TMTC2: variants seen among roughly 807,000 people sequenced by gnomAD.
TMTC2 encodes the protein transmembrane O-mannosyltransferase targeting cadherins 2.
TMTC2 carries 43 observed loss-of-function variants against 82.4 expected under a neutral mutation model. The ratio of observed to expected loss-of-function variants is 0.52; its 90% CI spans 0.41 to 0.67. The LOEUF (loss-of-function observed/expected upper bound fraction) is 0.67. TMTC2 is among the 30% of genes least tolerant of loss of function. The pLI is 0.00. For missense variants in TMTC2, 919 were observed against 1,012.4 expected (o/e 0.91, Z 1.25); for synonymous variants, 408 against 381.9 (o/e 1.07, Z -0.80).
At chr12:82,864,210 G>A (rs1283070141) in intron 2 of TMTC2, among the ~76,000 whole-genome samples, 2 of 152,152 alleles carry the variant, frequency 1.3e-5, no homozygotes, top group African/African-American at 4.8e-5. Flanking sequence ...CACCTGGTAT[G>A]TATAGTGATA....
At chr12:82,826,406 T>C (rs562142253) in intron 1 of TMTC2, among the ~76,000 whole-genome samples, 41 of 152,214 alleles carry the variant, frequency 2.7e-4, no homozygotes, top group Non-Finnish European at 5.3e-4. Flanking sequence ...ATTTTTAACT[T>C]TATGCTACTT....
intron 1 of TMTC2, among the ~76,000 whole-genome samples, chr12:82,736,059 C>A (rs1875110647): frequency 6.6e-6 from 1 of 151,988 alleles, no homozygotes; most frequent in Admixed American, 6.6e-5. Context: ...CCTCCCTCGC[C>A]TTATCCTACT....
chr12:83,037,780 TG>T (rs1315773722), intron 9 of TMTC2, among the ~76,000 whole-genome samples: 2 of 152,006 alleles, frequency 1.3e-5, no homozygotes, highest in Non-Finnish European at 2.9e-5. Context: ...GAACAGGAAA[TG>T]GTTTTAGCTT....
At chr12:82,959,545 A>G (rs1877801510) in intron 4 of TMTC2, among the ~76,000 whole-genome samples, 1 of 152,164 alleles carries the variant, frequency 6.6e-6, no homozygotes, top group South Asian at 2.1e-4. Flanking sequence ...CTGACCTTCG[A>G]CAAATTTGAC....
chr12:82,804,576 T>C (rs749788972), intron 1 of TMTC2, among the ~76,000 whole-genome samples: 4 of 152,126 alleles, frequency 2.6e-5, no homozygotes, highest in Admixed American at 1.3e-4. Flanking sequence ...TTAATTGCTC[T>C]TTTGAAGCAC....
intron 2 of TMTC2, among the ~76,000 whole-genome samples, chr12:82,869,867 T>TA (rs922146850): frequency 8.0e-5 from 12 of 150,170 alleles, no homozygotes; most frequent in Non-Finnish European, 1.8e-4. Flanking sequence ...AAAATAAAAA[T>TA]AAAAAAAATA....
At chr12:82,732,485 G>A (rs993695841) in intron 1 of TMTC2, among the ~76,000 whole-genome samples, 1 of 152,074 alleles carries the variant, frequency 6.6e-6, no homozygotes, top group African/African-American at 2.4e-5. Context: ...TGGGACTACA[G>A]GCACCCGCCA....
chr12:82,931,151 T>C (rs1242654874), intron 4 of TMTC2, among the ~76,000 whole-genome samples: 1 of 152,058 alleles, frequency 6.6e-6, no homozygotes, highest in African/African-American at 2.4e-5. Flanking sequence ...CTGAAGCAAT[T>C]CTCTTGCCTC....
At chr12:82,868,112 A>G (rs139121658) in intron 2 of TMTC2, among the ~76,000 whole-genome samples, 10 of 152,336 alleles carry the variant, frequency 6.6e-5, no homozygotes, top group African/African-American at 2.4e-4. Context: ...TGAATATAGT[A>G]AATGTGTACT....
intron 8 of TMTC2, among the ~76,000 whole-genome samples, chr12:83,030,277 A>G (rs1175120321): frequency 6.6e-6 from 1 of 152,124 alleles, no homozygotes; most frequent in Non-Finnish European, 1.5e-5. Context: ...GCATACATAC[A>G]TTATAAGAAG....
At chr12:82,824,307 A>G (rs1466637404) in intron 1 of TMTC2, among the ~76,000 whole-genome samples, 5 of 152,258 alleles carry the variant, frequency 3.3e-5, no homozygotes, top group Admixed American at 6.5e-5. Flanking sequence ...TAAACAGACC[A>G]TCAGCCCTCT....
At chr12:83,077,426 T>C (rs908529807) in intron 11 of TMTC2, among the ~76,000 whole-genome samples, 3 of 152,160 alleles carry the variant, frequency 2.0e-5, no homozygotes, top group Non-Finnish European at 4.4e-5. Flanking sequence ...TTTCTAATTT[T>C]CATCAAACCT....
chr12:83,022,103 AAAG>A (rs142998482), intron 8 of TMTC2: 88,964 of 150,200 alleles, frequency 0.59, 26,695 homozygotes, highest in South Asian at 0.73. Flanking sequence ...ACCAAAAAAA[AAAG>A]AAGAAGAAAA....
At chr12:83,047,771 A>T (rs1209900167) in intron 9 of TMTC2, among the ~76,000 whole-genome samples, 1 of 152,218 alleles carries the variant, frequency 6.6e-6, no homozygotes, top group Non-Finnish European at 1.5e-5. Flanking sequence ...TACAAAGCAC[A>T]TGTTGCATGG....
chr12:83,093,822 C>T (rs1883927454), intron 11 of TMTC2, among the ~76,000 whole-genome samples: 2 of 152,202 alleles, frequency 1.3e-5, no homozygotes, highest in South Asian at 2.1e-4. Flanking sequence ...ATGAGCCATA[C>T]ATTCTTCTAG....
Position 82,774,633 on chromosome 12 carries a change from A to ATTT in TMTC2, c.84-82362_84-82360dup, listed in dbSNP as rs1211938967. Among the ~76,000 whole-genome samples the ATTT allele has an allele frequency of 8.4e-4, 110 of 131,004 alleles. 2 individuals carry two copies. Among genetic ancestry groups the ATTT allele is most frequent in the Middle Eastern group, 4.2e-3 (1 of 240 alleles). 85.9% of individuals were successfully genotyped at this position (131,004 alleles called of 152,430 possible). On this transcript the variant is annotated intron_variant, in intron 1 of 11. Transcript: ENST00000321196. The stretch of plus-strand genomic sequence containing the variant: ...AAGACTGTCTCAAAAAAAAAGAACA[A>ATTT]TTTTTTTTTTTTTTTTTGTCTGGGG...
intron 1 of TMTC2, among the ~76,000 whole-genome samples, chr12:82,751,306 A>G (rs911427771): frequency 2.6e-5 from 4 of 151,790 alleles, no homozygotes; most frequent in Non-Finnish European, 5.9e-5. Flanking sequence ...CAAACACCGC[A>G]TATTCTCACT....
At chr12:82,908,540 G>T (rs983640425) in intron 3 of TMTC2, among the ~76,000 whole-genome samples, 4 of 152,010 alleles carry the variant, frequency 2.6e-5, no homozygotes, top group Non-Finnish European at 4.4e-5. Flanking sequence ...CCCAGGAATT[G>T]ATTATAATGT....
At chr12:82,832,846 A>G (rs1276340854) in intron 1 of TMTC2, among the ~76,000 whole-genome samples, 1 of 152,194 alleles carries the variant, frequency 6.6e-6, no homozygotes, top group African/African-American at 2.4e-5. Flanking sequence ...GAAATGTAAA[A>G]TAGATTAGTC....
Sources: gnomAD v4.1 joint callset for allele counts (sites outside exome capture counted in the v4.1 genomes callset) on GRCh38, gnomAD v4.1.1 for gene constraint, MANE v1.5 for transcripts, NCBI Gene and HGNC (gene_info 2026-07-23, HGNC 2026-07-21) for gene names.